TMED3: variants seen among roughly 807,000 people sequenced by gnomAD.
TMED3 encodes the protein transmembrane emp24 domain-containing protein 3.
Under a neutral mutation model 15.0 loss-of-function variants are expected in TMED3, and 9 were observed. The observed-to-expected ratio is 0.60, with a 90% CI of 0.36 to 1.04. The LOEUF (loss-of-function observed/expected upper bound fraction) is 1.04. Ranked by LOEUF, TMED3 falls within the 50% of genes least tolerant of loss-of-function variation. The pLI is 0.01. For synonymous variants in TMED3, 117 were observed against 121.4 expected (o/e 0.96, Z 0.24); for missense variants, 267 against 278.9 (o/e 0.96, Z 0.30).
In TMED3 at chr15:79,365,453, G is replaced by A. The variant is rs528569488; in HGVS notation, c.418-45947G>A. 6.6e-5 allele frequency among the ~76,000 whole-genome samples: 10 copies of A among 152,324 alleles called. No individual in the cohort carries two copies. The South Asian group carries it at 2.1e-3, about 32-fold the overall frequency. On this transcript the variant is annotated intron_variant, in intron 2 of 2. Coordinates refer to the TMED3 transcript ENST00000424155. ...TTAATTCAAAAGTTTATTTTGCCAAGGTTAAGGATGTACCCAGGAGACAAG... is the reference window on the plus strand; with the variant it reads ...TTAATTCAAAAGTTTATTTTGCCAAAGTTAAGGATGTACCCAGGAGACAAG...
chr15:79,364,566 C>A (rs1893192691), intron 2 of TMED3, among the ~76,000 whole-genome samples: 1 of 151,854 alleles, frequency 6.6e-6, no homozygotes, highest in African/African-American at 2.4e-5. Flanking sequence ...TTTGGCCTGC[C>A]ATGCCCCGAT....
chr15:79,312,759 G>A (rs570665405), intron 1 of TMED3, among the ~76,000 whole-genome samples: 3 of 152,038 alleles, frequency 2.0e-5, no homozygotes, highest in Non-Finnish European at 4.4e-5. Flanking sequence ...TGAATACTTC[G>A]ATCAATATTT....
intron 2 of TMED3, 148 bp from the exon 3 acceptor site, chr15:79,321,830 A>T: frequency 3.9e-6 from 4 of 1,015,414 alleles, no homozygotes; most frequent in Non-Finnish European, 5.7e-6. Context: ...TGTGAGGATT[A>T]AATAAAACCA....
chr15:79,374,887 T>G (rs9920228), intron 2 of TMED3, among the ~76,000 whole-genome samples: 17,523 of 152,248 alleles, frequency 0.12, 1,070 homozygotes, highest in Admixed American at 0.14. Context: ...ATGCTTCAAA[T>G]AGACTAGTGT....
At chr15:79,346,634 G>T (rs755279649) in intron 2 of TMED3, among the ~76,000 whole-genome samples, 1 of 152,008 alleles carries the variant, frequency 6.6e-6, no homozygotes, top group Non-Finnish European at 1.5e-5. Flanking sequence ...AAACTAATCA[G>T]GTTTTTATAG....
At chr15:79,353,217 TA>T (rs2058901864) in intron 2 of TMED3, among the ~76,000 whole-genome samples, 27 of 91,712 alleles carry the variant, frequency 2.9e-4, no homozygotes, top group Non-Finnish European at 4.3e-4. Flanking sequence ...ATATTATATA[TA>T]TTATACATAA....
At chr15:79,343,090 G>A (rs1341683224) in intron 2 of TMED3, among the ~76,000 whole-genome samples, 1 of 152,092 alleles carries the variant, frequency 6.6e-6, no homozygotes, top group Admixed American at 6.6e-5. Flanking sequence ...TTTGTTTGAG[G>A]AACAGCATGG....
At chr15:79,347,563 A>C (rs2058875571) in intron 2 of TMED3, among the ~76,000 whole-genome samples, 1 of 152,218 alleles carries the variant, frequency 6.6e-6, no homozygotes, top group Admixed American at 6.5e-5. Context: ...AATAAAGTGC[A>C]TCCAAATAAG....
chr15:79,331,377 CCTTAT>C (rs2058807504), intron 2 of TMED3, among the ~76,000 whole-genome samples: 2 of 148,678 alleles, frequency 1.3e-5, no homozygotes, highest in South Asian at 4.4e-4. Flanking sequence ...GAAAGTAGAC[CCTTAT>C]CTTTCACCCA....
At chr15:79,399,013 C>T (rs559820410) in intron 2 of TMED3, among the ~76,000 whole-genome samples, 50 of 152,284 alleles carry the variant, frequency 3.3e-4, no homozygotes, top group Admixed American at 9.8e-4. Flanking sequence ...AGGGTTCAAG[C>T]GATTCTCATG....
At chr15:79,368,807 G>T (rs1187845877) in intron 2 of TMED3, among the ~76,000 whole-genome samples, 1 of 151,826 alleles carries the variant, frequency 6.6e-6, no homozygotes. Flanking sequence ...CAAATATAAG[G>T]CTGGGCACAG....
intron 2 of TMED3, 38 bp from the exon 3 acceptor site, chr15:79,321,940 T>C (rs1375889640): frequency 1.2e-6 from 2 of 1,601,656 alleles, no homozygotes; most frequent in East Asian, 4.5e-5. Context: ...CATTTGTCTA[T>C]GGGTTAGCAG....
At chr15:79,409,959 C>T (rs534851697) in intron 2 of TMED3, among the ~76,000 whole-genome samples, 2 of 152,046 alleles carry the variant, frequency 1.3e-5, no homozygotes, top group South Asian at 2.1e-4. Flanking sequence ...AACTAATACC[C>T]GAAGATCCAT....
intron 2 of TMED3, among the ~76,000 whole-genome samples, chr15:79,351,245 G>A (rs902304207): frequency 6.6e-6 from 1 of 152,188 alleles, no homozygotes; most frequent in Non-Finnish European, 1.5e-5. Flanking sequence ...CTGGGCTTCA[G>A]TTTACTAGGC....
chr15:79,405,948 C>T (rs1211747142), intron 2 of TMED3, among the ~76,000 whole-genome samples: 2 of 152,226 alleles, frequency 1.3e-5, no homozygotes, highest in African/African-American at 4.8e-5. Flanking sequence ...TATTTGCCAG[C>T]TCAATAGCCA....
At chr15:79,342,415 G>A (rs565085337) in intron 2 of TMED3, among the ~76,000 whole-genome samples, 3 of 152,228 alleles carry the variant, frequency 2.0e-5, no homozygotes, top group Admixed American at 6.5e-5. Context: ...ATCAAAAAAG[G>A]TTAATCTCTG....
At position 79,410,698 on chromosome 15, in the gene TMED3, G is replaced by GTGTA. The variant is rs144843144; in HGVS notation, c.418-701_418-700insGTAT. Among the ~76,000 whole-genome samples the GTGTA allele has an allele frequency of 1.8e-3, 274 of 148,986 alleles. 1 individual carries two copies. The highest frequency in any genetic ancestry group is 6.0e-3 in the African/African-American group (242 of 40,544). On this transcript the variant is annotated intron_variant, in intron 2 of 2. Coordinates refer to the TMED3 transcript ENST00000424155. ...TATATATATGTGTATATGTGTGTGT[G>GTGTA]TATATATATATATATATACATTCTC...
At chr15:79,343,281 C>A (rs1444585782) in intron 2 of TMED3, among the ~76,000 whole-genome samples, 1 of 152,278 alleles carries the variant, frequency 6.6e-6, no homozygotes, top group Non-Finnish European at 1.5e-5. Flanking sequence ...CCTTTATACT[C>A]ATACACACTG....
At chr15:79,347,748 T>C (rs917121845) in intron 2 of TMED3, among the ~76,000 whole-genome samples, 1 of 152,272 alleles carries the variant, frequency 6.6e-6, no homozygotes, top group South Asian at 2.1e-4. Flanking sequence ...ACAGTCAAGC[T>C]GAGAGGCAAA....
Sources: allele counts gnomAD v4.1 joint callset (sites outside exome capture counted in the v4.1 genomes callset), GRCh38; gene constraint gnomAD v4.1.1; transcripts MANE v1.5; gene names NCBI Gene and HGNC (gene_info 2026-07-23, HGNC 2026-07-21).